CTNNA2: variants seen among roughly 807,000 people sequenced by gnomAD.
CTNNA2 encodes catenin alpha 2.
In CTNNA2, 42 loss-of-function variants were observed where a neutral mutation model predicts 101.0. That is an observed-to-expected ratio of 0.42 (90% CI 0.32 to 0.54). The LOEUF is 0.54. Among genes scored for constraint, CTNNA2 ranks in the 20% least tolerant of loss-of-function variants. CTNNA2 has a pLI of 0.14. For synonymous variants in CTNNA2, 450 were observed against 456.4 expected (o/e 0.99, Z 0.18); for missense variants, 871 against 1,223.1 (o/e 0.71, Z 4.29).
intron 3 of CTNNA2, among the ~76,000 whole-genome samples, chr2:79,776,560 ATT>A (rs1244275441): frequency 4.6e-5 from 7 of 152,228 alleles, no homozygotes; most frequent in African/African-American, 1.7e-4. Context: ...CTGGGATAGA[ATT>A]GCCAAATATA....
At chr2:79,692,648 G>A (rs1349807813) in intron 2 of CTNNA2, among the ~76,000 whole-genome samples, 1 of 151,932 alleles carries the variant, frequency 6.6e-6, no homozygotes, top group East Asian at 1.9e-4. Flanking sequence ...TGATAGACTG[G>A]ATAAAGAAAA....
chr2:80,633,798 T>G (rs1292793590), intron 18 of CTNNA2, among the ~76,000 whole-genome samples: 1 of 152,228 alleles, frequency 6.6e-6, no homozygotes, highest in Non-Finnish European at 1.5e-5. Context: ...ATTCTGTGCC[T>G]CTTAGATGCT....
At chr2:80,082,265 GT>G (rs1481058356) in intron 7 of CTNNA2, among the ~76,000 whole-genome samples, 6 of 151,882 alleles carry the variant, frequency 4.0e-5, no homozygotes, top group African/African-American at 1.5e-4. Context: ...TTGGTTTCTT[GT>G]TTTCCATTCT....
At chr2:79,933,745 G>A (rs1399683784) in intron 7 of CTNNA2, among the ~76,000 whole-genome samples, 8 of 152,240 alleles carry the variant, frequency 5.3e-5, no homozygotes, top group South Asian at 2.1e-4. Flanking sequence ...ATGAGCCATC[G>A]CACCCAGCCC....
Position 80,456,084 on chromosome 2 carries a change from G to A in CTNNA2, c.1290+36483G>A, listed in dbSNP as rs979814702. 2.6e-5 allele frequency among the ~76,000 whole-genome samples: 4 copies of A among 152,198 alleles called. No homozygotes were observed. In the East Asian group the frequency reaches 7.7e-4, roughly 29 times the overall value. ...TTACTCAAGTCTGTGAGGATTTTGA[G>A]TTGAAGATATGGCTCCTAATGCCTG... On this transcript the variant is annotated intron_variant, in intron 9 of 18. Transcript: ENST00000402739.
chr2:80,577,863 G>T (rs1695192896), intron 13 of CTNNA2, among the ~76,000 whole-genome samples: 1 of 152,022 alleles, frequency 6.6e-6, no homozygotes, highest in Admixed American at 6.6e-5. Context: ...ACACATTTGG[G>T]CCGTTTCTTT....
chr2:79,682,132 G>A (rs1271699276), intron 2 of CTNNA2, among the ~76,000 whole-genome samples: 1 of 152,102 alleles, frequency 6.6e-6, no homozygotes, highest in Non-Finnish European at 1.5e-5. Flanking sequence ...AATCTGGCCA[G>A]GCGCGGTGGC....
At chr2:79,417,534 A>T (rs1311887932) in intron 4 of CTNNA2, among the ~76,000 whole-genome samples, 1 of 152,142 alleles carries the variant, frequency 6.6e-6, no homozygotes, top group Non-Finnish European at 1.5e-5. Context: ...TCATACTTCA[A>T]AGATTAATTG....
At chr2:80,275,706 G>C (rs1673847374) in intron 7 of CTNNA2, among the ~76,000 whole-genome samples, 1 of 152,082 alleles carries the variant, frequency 6.6e-6, no homozygotes, top group Non-Finnish European at 1.5e-5. Context: ...TTTTCAGAGA[G>C]AGAGAGAAAG....
intron 7 of CTNNA2, among the ~76,000 whole-genome samples, chr2:80,337,197 T>C (rs1222930749): frequency 1.3e-5 from 2 of 151,900 alleles, no homozygotes; most frequent in East Asian, 3.9e-4. Flanking sequence ...CTACTAAAAA[T>C]ACAAAACATT....
intron 6 of CTNNA2, among the ~76,000 whole-genome samples, chr2:79,885,026 A>C (rs907284162): frequency 6.6e-6 from 1 of 152,024 alleles, no homozygotes; most frequent in Non-Finnish European, 1.5e-5. Flanking sequence ...ACAGATATTC[A>C]AGGAGCTCCA....
intron 7 of CTNNA2, among the ~76,000 whole-genome samples, chr2:79,987,529 G>A (rs1691852799): frequency 2.0e-5 from 3 of 152,190 alleles, no homozygotes; most frequent in Admixed American, 2.0e-4. Flanking sequence ...TGGCTGTGAG[G>A]AATGAAAACT....
chr2:79,775,398 G>A (rs549111058), intron 3 of CTNNA2, among the ~76,000 whole-genome samples: 1 of 152,210 alleles, frequency 6.6e-6, no homozygotes, highest in South Asian at 2.1e-4. Flanking sequence ...TTCTCAAGAG[G>A]CTACAACTAA....
Position 79,705,965 on chromosome 2 carries a change from G to T in CTNNA2, c.103-38422G>T, listed in dbSNP as rs1487142216. On this transcript the variant is annotated intron_variant, in intron 2 of 18. Transcript: ENST00000402739. ...TAAGAAGGGACCTGAACAGTAAACT[G>T]AAGTTAGTCAGGTGGGAAAGAAGAG... 2.0e-5 allele frequency among the ~76,000 whole-genome samples: 3 copies of T among 152,148 alleles called. No individual in the cohort carries two copies. In the East Asian group the frequency reaches 5.8e-4, roughly 29 times the overall value.
intron 2 of CTNNA2, among the ~76,000 whole-genome samples, chr2:79,652,556 A>C (rs774618386): frequency 6.6e-6 from 1 of 152,016 alleles, no homozygotes; most frequent in Non-Finnish European, 1.5e-5. Context: ...CCCATCTCTG[A>C]AATTGTCTTT....
At chr2:79,624,199 A>G (rs1167575257) in intron 1 of CTNNA2, among the ~76,000 whole-genome samples, 1 of 152,220 alleles carries the variant, frequency 6.6e-6, no homozygotes, top group African/African-American at 2.4e-5. Flanking sequence ...GGGAGGATAG[A>G]CAGTTTTAAA....
At chr2:79,242,991 TATACACACACACAC>T (rs1210712915) in intron 2 of CTNNA2, among the ~76,000 whole-genome samples, 75 of 120,942 alleles carry the variant, frequency 6.2e-4, no homozygotes, top group African/African-American at 2.3e-3. Context: ...TATATATATA[TATACACACACACAC>T]ACACACACAC....
chr2:79,774,952 G>T (rs1228363089), intron 3 of CTNNA2, among the ~76,000 whole-genome samples: 1 of 151,976 alleles, frequency 6.6e-6, no homozygotes, highest in Non-Finnish European at 1.5e-5. Context: ...TAACATTAGG[G>T]GTCATTTTTA....
At chr2:79,707,685 G>A (rs555680831) in intron 2 of CTNNA2, among the ~76,000 whole-genome samples, 66 of 152,276 alleles carry the variant, frequency 4.3e-4, no homozygotes, top group African/African-American at 1.6e-3. Flanking sequence ...TCGTTAAGAA[G>A]CCCATGCTTT....
Sources: gnomAD v4.1 joint callset for allele counts (sites outside exome capture counted in the v4.1 genomes callset) on GRCh38, gnomAD v4.1.1 for gene constraint, MANE v1.5 for transcripts, NCBI Gene and HGNC (gene_info 2026-07-23, HGNC 2026-07-21) for gene names.